The following TENM4 variants were observed in gnomAD, a reference collection of about 807,000 sequenced individuals.
TENM4 encodes teneurin-4.
In TENM4, 82 loss-of-function variants were observed where a neutral mutation model predicts 243.3. The ratio of observed to expected loss-of-function variants is 0.34; its 90% CI spans 0.28 to 0.40. TENM4 has a LOEUF of 0.40. Among genes scored for constraint, TENM4 ranks in the 10% least tolerant of loss-of-function variants. The pLI, the probability that TENM4 is intolerant of heterozygous loss-of-function variation, is 1.00. For missense variants in TENM4, 3,138 were observed against 3,673.3 expected (o/e 0.85, Z 3.77); for synonymous variants, 1,412 against 1,456.3 (o/e 0.97, Z 0.69).
intron 6 of TENM4, among the ~76,000 whole-genome samples, chr11:79,036,597 C>G (rs898929683): frequency 6.6e-6 from 1 of 152,166 alleles, no homozygotes; most frequent in African/African-American, 2.4e-5. Flanking sequence ...GGGAAAAAAG[C>G]CCAAAGAAGC....
At chr11:79,327,719 A>G (rs899261252) in intron 1 of TENM4, among the ~76,000 whole-genome samples, 1 of 151,540 alleles carries the variant, frequency 6.6e-6, no homozygotes, top group African/African-American at 2.4e-5. Flanking sequence ...TACTAAGGAA[A>G]CCAATGGAAA....
chr11:79,354,032 A>G (rs1036917086), intron 1 of TENM4, among the ~76,000 whole-genome samples: 17 of 152,224 alleles, frequency 1.1e-4, no homozygotes, highest in Non-Finnish European at 2.2e-4. Flanking sequence ...ACCGCTTTTC[A>G]TCTGCAGAGG....
intron 1 of TENM4, among the ~76,000 whole-genome samples, chr11:79,379,065 A>C (rs1437383445): frequency 6.6e-6 from 1 of 152,098 alleles, no homozygotes; most frequent in African/African-American, 2.4e-5. Flanking sequence ...AGACAATGAG[A>C]GTGTGAGGAA....
At chr11:78,799,266 CTT>C (rs1857230403) in intron 15 of TENM4, among the ~76,000 whole-genome samples, 1 of 152,142 alleles carries the variant, frequency 6.6e-6, no homozygotes. Flanking sequence ...GATAATGACT[CTT>C]CATCTAGAGT....
intron 7 of TENM4, among the ~76,000 whole-genome samples, chr11:78,902,347 T>C (rs1855947565): frequency 6.6e-6 from 1 of 152,188 alleles, no homozygotes; most frequent in Non-Finnish European, 1.5e-5. Context: ...AAACAGTGTG[T>C]AGGCAGAGGG....
chr11:78,779,721 C>T (rs1275264655), intron 16 of TENM4, among the ~76,000 whole-genome samples: 1 of 152,222 alleles, frequency 6.6e-6, no homozygotes, highest in Non-Finnish European at 1.5e-5. Context: ...CTGATGCCTT[C>T]AGCCAGGCTG....
intron 2 of TENM4, among the ~76,000 whole-genome samples, chr11:79,222,020 C>T (rs1864166929): frequency 6.6e-6 from 1 of 152,118 alleles, no homozygotes; most frequent in African/African-American, 2.4e-5. Context: ...GAGTGGTCCT[C>T]AACATTCTCA....
chr11:79,265,539 C>T (rs1359352645), intron 2 of TENM4, among the ~76,000 whole-genome samples: 1 of 80,018 alleles, frequency 1.2e-5, no homozygotes, highest in Non-Finnish European at 2.9e-5. Flanking sequence ...AAATTAATTT[C>T]CCCTGTTTCT....
At chr11:78,954,415 C>A (rs1399177337) in intron 6 of TENM4, among the ~76,000 whole-genome samples, 1 of 152,220 alleles carries the variant, frequency 6.6e-6, no homozygotes, top group Non-Finnish European at 1.5e-5. Context: ...ACAGTGAGAA[C>A]AAACATTAAA....
intron 1 of TENM4, among the ~76,000 whole-genome samples, chr11:79,342,450 A>T (rs971853915): frequency 2.5e-4 from 38 of 152,116 alleles, no homozygotes; most frequent in African/African-American, 8.2e-4. Flanking sequence ...GGAGGCGAAG[A>T]GGGTGGGAGG....
At position 79,032,994 on chromosome 11, in the gene TENM4, C is replaced by T. The variant is rs535745837; in HGVS notation, c.493+31744G>A. Among the ~76,000 whole-genome samples the T allele has an allele frequency of 3.9e-5, 6 of 152,240 alleles. No individual in the cohort carries two copies. The South Asian group carries it at 1.2e-3, about 32-fold the overall frequency. ...CAGCCAGAGAAGTGGGGTCATCTAACAAGTCACAGAGCAGTAAAATTCCCT... is the reference window on the plus strand; with the variant it reads ...CAGCCAGAGAAGTGGGGTCATCTAATAAGTCACAGAGCAGTAAAATTCCCT... On this transcript the variant is annotated intron_variant, in intron 6 of 33. Transcript: ENST00000278550.
intron 4 of TENM4, among the ~76,000 whole-genome samples, chr11:79,094,344 T>A (rs886888811): frequency 1.3e-5 from 2 of 152,176 alleles, no homozygotes; most frequent in African/African-American, 4.8e-5. Flanking sequence ...GTGCCATTTT[T>A]AAATTCCATG....
At chr11:78,827,641 C>T (rs776868631) in intron 12 of TENM4, among the ~76,000 whole-genome samples, 7 of 152,114 alleles carry the variant, frequency 4.6e-5, no homozygotes, top group Non-Finnish European at 8.8e-5. Context: ...AGGCATGCAC[C>T]ACCATGCCTG....
At chr11:78,945,978 A>C (rs1856995420) in intron 6 of TENM4, among the ~76,000 whole-genome samples, 1 of 152,248 alleles carries the variant, frequency 6.6e-6, no homozygotes, top group South Asian at 2.1e-4. Context: ...ATAACATAAA[A>C]GTGCAAGGTG....
At chr11:79,423,535 ATTTTTTT>A (rs67697266) in intron 1 of TENM4, among the ~76,000 whole-genome samples, 138 of 114,128 alleles carry the variant, frequency 1.2e-3, no homozygotes, top group African/African-American at 2.4e-3. Context: ...TTACAAGTGC[ATTTTTTT>A]TTTTTTTTTT....
chr11:78,895,262 G>A (rs1035051342), intron 7 of TENM4, among the ~76,000 whole-genome samples: 1 of 151,746 alleles, frequency 6.6e-6, no homozygotes, highest in Non-Finnish European at 1.5e-5. Flanking sequence ...CTTGGACCCA[G>A]GAGGCAGAGG....
chr11:79,242,288 T>C (rs901367558), intron 2 of TENM4, among the ~76,000 whole-genome samples: 2 of 152,228 alleles, frequency 1.3e-5, no homozygotes, highest in African/African-American at 2.4e-5. Flanking sequence ...TCGCCAGGCC[T>C]CAGACTAATG....
chr11:78,707,986 T>C (rs1859298447), intron 27 of TENM4, among the ~76,000 whole-genome samples: 2 of 152,242 alleles, frequency 1.3e-5, no homozygotes, highest in African/African-American at 4.8e-5. Context: ...ATTTCTGTCC[T>C]CACATAGCTT....
chr11:78,721,973 C>G (rs1441224688), intron 24 of TENM4, among the ~76,000 whole-genome samples: 3 of 152,150 alleles, frequency 2.0e-5, no homozygotes, highest in African/African-American at 7.2e-5. Context: ...CTTCCCGGAG[C>G]TCTAAGCGTG....
Sources: gnomAD v4.1 joint callset for allele counts (sites outside exome capture counted in the v4.1 genomes callset) on GRCh38, gnomAD v4.1.1 for gene constraint, MANE v1.5 for transcripts, NCBI Gene and HGNC (gene_info 2026-07-23, HGNC 2026-07-21) for gene names.